Variants in MBP observed in about 807,000 individuals in gnomAD.
MBP encodes the protein myelin basic protein, also known as Golli-MBP.
In MBP, 16 loss-of-function variants were observed where a neutral mutation model predicts 35.8. That is an observed-to-expected ratio of 0.45 (90% CI 0.30 to 0.68). MBP has a LOEUF of 0.68. Ranked by LOEUF, MBP falls within the 30% of genes least tolerant of loss-of-function variation. MBP has a pLI of 0.08. For synonymous variants in MBP, 143 were observed against 159.6 expected, an observed-to-expected ratio of 0.90 and a Z score of 0.78; for missense variants, 380 against 404.7, an observed-to-expected ratio of 0.94 and a Z score of 0.52.
At chr18:77,107,792 G>T (rs1194540539) in intron 1 of MBP, among the ~76,000 whole-genome samples, 1 of 152,210 alleles carries the variant, frequency 6.6e-6, no homozygotes, top group African/African-American at 2.4e-5. Flanking sequence ...CTCAAGTCCA[G>T]ATCAGACTTT....
chr18:77,010,047 G>A (rs1296218549), intron 4 of MBP: 1 of 691,796 alleles, frequency 1.4e-6, no homozygotes, highest in Non-Finnish European at 2.6e-6. Context: ...GAGGAGGAGT[G>A]AGCGGGGGGT....
At chr18:77,050,248 A>G (rs1196877686) in intron 3 of MBP, among the ~76,000 whole-genome samples, 1 of 152,246 alleles carries the variant, frequency 6.6e-6, no homozygotes, top group East Asian at 1.9e-4. Flanking sequence ...TCATAGAGAC[A>G]CATTTGGCAA....
intron 2 of MBP, among the ~76,000 whole-genome samples, chr18:77,093,850 C>G (rs1218367036): frequency 1.3e-5 from 2 of 152,240 alleles, no homozygotes; most frequent in African/African-American, 2.4e-5. Flanking sequence ...AATGCAAACA[C>G]AGTTTCATAA....
In MBP at chr18:77,102,470, A is replaced by C. The variant is rs1477863399; in HGVS notation, c.51+2741T>G. Among the ~76,000 whole-genome samples the C allele has an allele frequency of 6.6e-6, 1 of 152,206 alleles. No homozygotes were observed. The highest frequency in any genetic ancestry group is 1.9e-4 in the East Asian group (1 of 5,200). On this transcript the variant is annotated intron_variant, in intron 2 of 8. Transcript: ENST00000355994. This position sits in a 1 kb window ranked among gnomAD's most constrained non-coding sequence, Gnocchi z 4.4. ...TGTACATGTACTTGGAAGGGCACAA[A>C]ATATTTCCCATCAAGTTTAAAGGAA...
rs539731317 is a variant in MBP, at chr18:76,997,903, C to T, written c.577-7843G>A. Among the ~76,000 whole-genome samples the T allele has an allele frequency of 1.6e-4, 25 of 152,052 alleles. 2 individuals carry two copies. Among genetic ancestry groups the T allele is most frequent in the Middle Eastern group, 3.4e-3 (1 of 294 alleles). ...TTCACTGTGTTAGCCAGGATGGTCTCGATCTCCTGACCTCGTGATCCGCCC... is the reference window on the plus strand; with the variant it reads ...TTCACTGTGTTAGCCAGGATGGTCTTGATCTCCTGACCTCGTGATCCGCCC... On this transcript the variant is annotated intron_variant, in intron 4 of 8. Coordinates refer to ENST00000355994, the MANE Select transcript of MBP (RefSeq NM_001025101.2).
intron 2 of MBP, among the ~76,000 whole-genome samples, chr18:77,076,190 G>A (rs1974642921): frequency 6.6e-6 from 1 of 152,214 alleles, no homozygotes; most frequent in Admixed American, 6.5e-5. Context: ...GGAGAAGTGA[G>A]CCCGTTTCCC....
intron 1 of MBP, among the ~76,000 whole-genome samples, chr18:77,130,250 C>G (rs964592822): frequency 3.3e-5 from 5 of 151,974 alleles, no homozygotes; most frequent in African/African-American, 4.8e-5. Context: ...AAAGGAGGAA[C>G]GAGGAGCACC....
intron 3 of MBP, among the ~76,000 whole-genome samples, chr18:77,042,517 A>C (rs1973056052): frequency 6.6e-6 from 1 of 152,248 alleles, no homozygotes; most frequent in African/African-American, 2.4e-5. Flanking sequence ...CATAACCATT[A>C]ATACGTATTC....
chr18:77,133,436 G>A (rs1291579997), upstream of MBP: 1 of 152,326 alleles, frequency 6.6e-6, no homozygotes, highest in Non-Finnish European at 1.5e-5. Context: ...GAAGCAGCCT[G>A]GTCCTGCAGC....
chr18:77,111,091 C>A (rs1013049896), intron 1 of MBP, among the ~76,000 whole-genome samples: 1 of 152,086 alleles, frequency 6.6e-6, no homozygotes, highest in African/African-American at 2.4e-5. Context: ...GGGTTCTCAG[C>A]GCCTGTTCAG....
At chr18:77,100,243 G>A (rs1034026687) in intron 2 of MBP, among the ~76,000 whole-genome samples, 6 of 152,160 alleles carry the variant, frequency 3.9e-5, no homozygotes, top group East Asian at 1.9e-4. Flanking sequence ...ACAGAGAGAC[G>A]ACCACTGGAG....
chr18:77,038,157 C>T (rs1005011872), intron 3 of MBP, among the ~76,000 whole-genome samples: 2 of 152,362 alleles, frequency 1.3e-5, no homozygotes, highest in Admixed American at 6.5e-5. Context: ...ATCACATCCA[C>T]ATGCGAGCCG....
intron 2 of MBP, among the ~76,000 whole-genome samples, chr18:77,097,875 A>C (rs1975825427): frequency 6.6e-6 from 1 of 152,090 alleles, no homozygotes; most frequent in South Asian, 2.1e-4. Flanking sequence ...ACTGAGTGGG[A>C]GAGGTTTGCA....
chr18:77,019,302 G>A (rs551877941), intron 3 of MBP, among the ~76,000 whole-genome samples: 1 of 152,316 alleles, frequency 6.6e-6, no homozygotes, highest in African/African-American at 2.4e-5. Flanking sequence ...GATCTTTGCA[G>A]GTGGAATCAA....
intron 2 of MBP, among the ~76,000 whole-genome samples, chr18:77,078,895 C>G (rs1340092524): frequency 2.6e-5 from 4 of 152,226 alleles, no homozygotes; most frequent in Non-Finnish European, 4.4e-5. Flanking sequence ...GGGCTCAGCA[C>G]TGGGACTCCA....
Position 76,988,027 on chromosome 18 carries a change from A to C in MBP, c.750+468T>G. 2 of 1,375,246 alleles carry C rather than the reference A, an allele frequency of 1.5e-6. No homozygotes were observed. Among genetic ancestry groups the C allele is most frequent in the Admixed American group, 6.0e-5 (2 of 33,358 alleles). The allele number at this position is 1,375,246 out of a possible 1,614,324, so 85.2% of individuals were successfully genotyped here. ...TAATGAGGTTATTATAAATCGAGCA[A>C]CTCTATTTAGCCTCTTTTTCTGTTC... On this transcript the variant is annotated intron_variant, in intron 7 of 8. Coordinates refer to ENST00000355994, the MANE Select transcript of MBP (RefSeq NM_001025101.2). This position sits in a 1 kb window ranked among gnomAD's most constrained non-coding sequence, Gnocchi z 5.2.
chr18:77,090,443 C>T (rs1975460386), intron 2 of MBP, among the ~76,000 whole-genome samples: 1 of 152,218 alleles, frequency 6.6e-6, no homozygotes, highest in Non-Finnish European at 1.5e-5. Flanking sequence ...CAAAACTTCT[C>T]AAAACAGACT....
At chr18:77,030,422 A>G (rs958992609) in intron 3 of MBP, among the ~76,000 whole-genome samples, 1 of 152,162 alleles carries the variant, frequency 6.6e-6, no homozygotes, top group African/African-American at 2.4e-5. Context: ...AAGGGACGGG[A>G]AGCTTTGGTT....
Position 77,016,812 on chromosome 18 carries a change from C to A in MBP, c.576+20G>T, listed in dbSNP as rs535620441. On this transcript the variant is annotated intron_variant, in intron 4 of 8. Coordinates refer to ENST00000355994, the MANE Select transcript of MBP (RefSeq NM_001025101.2). ...GCTTTTTCCATTTAAACTAAAACTC[C>A]TCTACTCCTCAGAGCTCACCTTGCC... 8 of 1,612,470 alleles carry A rather than the reference C, an allele frequency of 5.0e-6. No homozygotes were observed. In the South Asian group the frequency reaches 7.7e-5, roughly 15 times the overall value.
Sources: gnomAD v4.1 joint callset for allele counts (sites outside exome capture counted in the v4.1 genomes callset) on GRCh38, gnomAD v4.1.1 for gene constraint, Gnocchi (gnomAD v3.1) non-coding constraint, MANE v1.5 for transcripts, NCBI Gene and HGNC (gene_info 2026-07-23, HGNC 2026-07-21) for gene names.